CCDC149: variants seen among roughly 807,000 people sequenced by gnomAD.
The protein encoded by CCDC149 is coiled-coil domain-containing protein 149.
Under a neutral mutation model 59.9 loss-of-function variants are expected in CCDC149, and 45 were observed. The observed-to-expected ratio is 0.75, with a 90% CI of 0.59 to 0.96. The LOEUF (loss-of-function observed/expected upper bound fraction) is 0.96, where lower values mean the gene tolerates loss of function less well. Among genes scored for constraint, CCDC149 ranks in the 40% least tolerant of loss-of-function variants. The pLI, the probability that CCDC149 is intolerant of heterozygous loss-of-function variation, is 0.00. For synonymous variants in CCDC149, 245 were observed against 260.6 expected (o/e 0.94, Z 0.58); for missense variants, 584 against 664.7 (o/e 0.88, Z 1.33).
intron 9 of CCDC149, chr4:24,830,303 T>C (rs1451913958): frequency 6.6e-6 from 1 of 152,234 alleles, no homozygotes; most frequent in African/African-American, 2.4e-5. Context: ...GGGATGCCCA[T>C]TCCTTCTTCC....
intron 1 of CCDC149, among the ~76,000 whole-genome samples, chr4:24,897,830 G>T (rs1290472200): frequency 6.6e-6 from 1 of 152,240 alleles, no homozygotes; most frequent in Non-Finnish European, 1.5e-5. Context: ...AGAGGCCGCA[G>T]AAATGGCAGC....
At chr4:24,879,749 T>C (rs1196569253) in intron 1 of CCDC149, among the ~76,000 whole-genome samples, 2 of 152,034 alleles carry the variant, frequency 1.3e-5, no homozygotes, top group Non-Finnish European at 1.5e-5. Context: ...GGGATGCTTG[T>C]TAAAATGCAG....
intron 1 of CCDC149, among the ~76,000 whole-genome samples, chr4:24,975,645 G>C (rs1724154540): frequency 6.6e-6 from 1 of 151,706 alleles, no homozygotes; most frequent in African/African-American, 2.4e-5. Context: ...TGGGGCTTGG[G>C]TCCATGCCCA....
chr4:24,876,454 TA>T, intron 2 of CCDC149, 81 bp downstream of exon 2: 1 of 1,453,862 alleles, frequency 6.9e-7, no homozygotes, highest in Non-Finnish European at 9.3e-7. Context: ...TAACCATTTC[TA>T]AAGAAACAGC....
intron 3 of CCDC149, among the ~76,000 whole-genome samples, chr4:24,872,344 C>T (rs1293161076): frequency 6.6e-6 from 1 of 152,222 alleles, no homozygotes; most frequent in Admixed American, 6.5e-5. Context: ...AGAACCTAAA[C>T]AGAACAGTAT....
intron 1 of CCDC149, among the ~76,000 whole-genome samples, chr4:24,943,350 A>C (rs1233423862): frequency 2.0e-5 from 3 of 151,756 alleles, no homozygotes; most frequent in Non-Finnish European, 4.4e-5. Context: ...TGCTGGGAAA[A>C]CTGGCTAGCC....
At chr4:24,969,097 A>T (rs1723887409) in intron 1 of CCDC149, among the ~76,000 whole-genome samples, 1 of 152,206 alleles carries the variant, frequency 6.6e-6, no homozygotes, top group Non-Finnish European at 1.5e-5. Flanking sequence ...TAAGCATTTG[A>T]GCCTGTCCCT....
intron 4 of CCDC149, among the ~76,000 whole-genome samples, chr4:24,851,893 T>A (rs1474427546): frequency 6.6e-6 from 1 of 152,106 alleles, no homozygotes; most frequent in Non-Finnish European, 1.5e-5. Flanking sequence ...AATCAGAGCC[T>A]TTCCTGGACA....
At chr4:24,919,940 G>T (rs1722237159) in intron 1 of CCDC149, among the ~76,000 whole-genome samples, 1 of 152,188 alleles carries the variant, frequency 6.6e-6, no homozygotes, top group South Asian at 2.1e-4. Context: ...TGGACCCCTT[G>T]CTATACAAGA....
At chr4:24,883,740 T>G (rs1560236168) in intron 1 of CCDC149, among the ~76,000 whole-genome samples, 1 of 152,180 alleles carries the variant, frequency 6.6e-6, no homozygotes, top group Non-Finnish European at 1.5e-5. Flanking sequence ...TTTACAGCAT[T>G]TAAAGCATCC....
chr4:24,829,135 G>A (rs1035529544), intron 9 of CCDC149: 4 of 152,808 alleles, frequency 2.6e-5, no homozygotes, highest in African/African-American at 7.2e-5. Context: ...GGGGAGGTAG[G>A]ACTGGGGTCT....
chr4:24,907,471 C>T (rs1475597098), intron 1 of CCDC149, among the ~76,000 whole-genome samples: 2 of 152,124 alleles, frequency 1.3e-5, no homozygotes, highest in African/African-American at 2.4e-5. Context: ...CCTGCCTGAG[C>T]GATTTCTTGC....
At chr4:24,942,901 T>C (rs1435793160) in intron 1 of CCDC149, among the ~76,000 whole-genome samples, 2 of 151,512 alleles carry the variant, frequency 1.3e-5, no homozygotes, top group African/African-American at 2.4e-5. Context: ...TAAAAGAGGA[T>C]ACAAACAAAT....
At chr4:24,940,645 A>T (rs1381044058) in intron 1 of CCDC149, among the ~76,000 whole-genome samples, 9 of 152,224 alleles carry the variant, frequency 5.9e-5, no homozygotes, top group Non-Finnish European at 1.0e-4. Context: ...TATATTCAGG[A>T]AACCCATCTC....
chr4:24,805,568 G>A (rs10000087), downstream of CCDC149, among the ~76,000 whole-genome samples: 391 of 152,256 alleles, frequency 2.6e-3, 4 homozygotes, highest in African/African-American at 8.5e-3. Context: ...AATGTCTAGC[G>A]ACAGGGCCCT....
chr4:24,849,045 G>C (rs1717495052), intron 4 of CCDC149, among the ~76,000 whole-genome samples: 1 of 152,168 alleles, frequency 6.6e-6, no homozygotes, highest in Non-Finnish European at 1.5e-5. Flanking sequence ...TAGTTCTGCT[G>C]TTTGACCTAC....
chr4:24,921,460 A>G (rs892816455), intron 1 of CCDC149, among the ~76,000 whole-genome samples: 1 of 152,232 alleles, frequency 6.6e-6, no homozygotes, highest in Non-Finnish European at 1.5e-5. Flanking sequence ...AGCCTCCCTC[A>G]TGACTGAGAG....
chr4:24,889,802 G>T (rs1349930333), intron 1 of CCDC149, among the ~76,000 whole-genome samples: 1 of 152,160 alleles, frequency 6.6e-6, no homozygotes, highest in East Asian at 1.9e-4. Context: ...CTGTAAAACT[G>T]CTGTGGTTCA....
chr4:24,816,298 C>T (rs1039984137), intron 12 of CCDC149, among the ~76,000 whole-genome samples: 4 of 152,056 alleles, frequency 2.6e-5, no homozygotes, highest in African/African-American at 9.7e-5. Flanking sequence ...ACTATTGTTG[C>T]CCAGGCTGGT....
Sources: gnomAD v4.1 joint callset for allele counts (sites outside exome capture counted in the v4.1 genomes callset) on GRCh38, gnomAD v4.1.1 for gene constraint, MANE v1.5 for transcripts, NCBI Gene and HGNC (gene_info 2026-07-23, HGNC 2026-07-21) for gene names.